Variants in CD4 observed in about 807,000 individuals in gnomAD.
CD4 encodes the protein T-cell surface glycoprotein CD4.
CD4 carries 25 observed loss-of-function variants against 50.5 expected under a neutral mutation model. The observed-to-expected ratio is 0.49, with a 90% CI of 0.36 to 0.69. The LOEUF (loss-of-function observed/expected upper bound fraction) is 0.69, where lower values mean the gene tolerates loss of function less well. Ranked by LOEUF, CD4 falls within the 30% of genes least tolerant of loss-of-function variation. The probability of loss-of-function intolerance (pLI) is 0.00; values close to 1 mark genes in which losing one functional copy is unlikely to be tolerated. For synonymous variants in CD4, 207 were observed against 221.9 expected (o/e 0.93, Z 0.60); for missense variants, 456 against 548.5 (o/e 0.83, Z 1.68).
intron 3 of CD4, among the ~76,000 whole-genome samples, chr12:6,804,310 A>T (rs1172059147): frequency 1.3e-5 from 2 of 150,918 alleles, no homozygotes; most frequent in Non-Finnish European, 2.9e-5. Context: ...CTTATTCAAC[A>T]TAATACTGCA....
Position 6,800,441 on chromosome 12 carries a change from C to T in CD4, c.184C>T (p.Leu62=), listed in dbSNP as rs35259686. 1,195 of 1,613,878 alleles carry T rather than the reference C, an allele frequency of 7.4e-4. 8 individuals are homozygous for T. Among genetic ancestry groups the T allele is most frequent in the African/African-American group, 6.7e-3 (505 of 75,018 alleles). Reference sequence around the variant, plus strand: ...GAAAAACTCCAACCAGATAAAGATTCTGGGAAATCAGGGCTCCTTCTTAAC... The same window carrying T: ...GAAAAACTCCAACCAGATAAAGATTTTGGGAAATCAGGGCTCCTTCTTAAC... ...HWKNSNQIKI[L]GNQGSFLTKG... is the part of the protein sequence containing the mutation. Residue 62 remains leucine, a synonymous_variant, in exon 3 of 10, where the codon CTG becomes TTG. Coordinates refer to ENST00000011653, the MANE Select transcript of CD4 (RefSeq NM_000616.5).
chr12:6,793,370 G>A (rs1942228606), intron 1 of CD4, among the ~76,000 whole-genome samples: 1 of 152,114 alleles, frequency 6.6e-6, no homozygotes, highest in Admixed American at 6.6e-5. Flanking sequence ...CCCAGAGAAG[G>A]GATATCGTTT....
chr12:6,796,486 G>A (rs1201759998), intron 1 of CD4, among the ~76,000 whole-genome samples: 1 of 152,100 alleles, frequency 6.6e-6, no homozygotes, highest in Non-Finnish European at 1.5e-5. Context: ...TTATATCCTA[G>A]GCCTGGATTC....
In CD4 at chr12:6,817,411, G is replaced by A. The variant is rs991267326; in HGVS notation, c.1156+81G>A. 6 of 1,189,388 alleles carry A rather than the reference G, an allele frequency of 5.0e-6. No individual in the cohort carries two copies. In the Admixed American group the frequency reaches 8.2e-5, roughly 16 times the overall value. The allele number at this position is 1,189,388 out of a possible 1,614,324, so 73.7% of individuals were successfully genotyped here. On this transcript the variant is annotated intron_variant, in intron 7 of 9. Transcript: ENST00000011653. ...TTGGCAGAGACCACCCAGAGTCCCG[G>A]CCTCCCAATGCCTGAGTTGGGGGGT... is the stretch of plus-strand genomic sequence containing the variant.
chr12:6,808,853 G>A (rs1942850734), intron 3 of CD4, among the ~76,000 whole-genome samples: 1 of 152,166 alleles, frequency 6.6e-6, no homozygotes, highest in African/African-American at 2.4e-5. Flanking sequence ...AACTTTTTGA[G>A]CACATCTTGT....
intron 3 of CD4, among the ~76,000 whole-genome samples, chr12:6,811,729 C>T (rs1555117029): frequency 6.7e-6 from 1 of 149,492 alleles, no homozygotes; most frequent in African/African-American, 2.5e-5. Context: ...CCAGGCTGGT[C>T]TTGAACTCCT....
chr12:6,815,884 G>T, intron 5 of CD4, 172 bp from the exon 6 acceptor site: 1 of 1,522,764 alleles, frequency 6.6e-7, no homozygotes, highest in Non-Finnish European at 8.8e-7. Context: ...GGTGGAAGAA[G>T]GGAGAGAAGG....
Position 6,819,580 on chromosome 12 carries a change from T to G in CD4, c.*251T>G, listed in dbSNP as rs1943216181. ...TCCTTCAAGCCTAGCCCTTCTCTCA[T>G]TATTTCTCTCTGACCCTCTCCCCAC... On this transcript the variant is annotated 3_prime_UTR_variant, in exon 10 of 10. Transcript: ENST00000011653. The G allele has an allele frequency of 1.8e-6, 1 of 562,146 alleles. No homozygotes were observed. The highest frequency in any genetic ancestry group is 3.2e-6 in the Non-Finnish European group (1 of 313,928). The allele number at this position is 562,146 out of a possible 1,614,324, so 34.8% of individuals were successfully genotyped here.
In CD4 at chr12:6,815,983, C is replaced by T. The variant is rs10744715; in HGVS notation, c.608-73C>T. 0.34 allele frequency: 545,306 copies of T among 1,592,804 alleles called. 97,018 individuals are homozygous for T. The highest frequency in any genetic ancestry group is 0.42 in the Admixed American group (23,803 of 57,308). ...TCCCCTTCCATCTCCCTGCTGCCTC[C>T]ACATGCCAACCCCACTCGTGCACCC... On this transcript the variant is annotated intron_variant, in intron 5 of 9. Coordinates refer to ENST00000011653, the MANE Select transcript of CD4 (RefSeq NM_000616.5).
chr12:6,807,615 C>T (rs28920474), intron 3 of CD4, among the ~76,000 whole-genome samples: 2,917 of 152,092 alleles, frequency 0.019, 90 homozygotes, highest in African/African-American at 0.066. Flanking sequence ...AACCTTATGG[C>T]GCCGGAAATG....
Position 6,814,133 on chromosome 12 carries a change from T to C in CD4, c.215-9T>C. ...CCTCAGTCCCCCCCCATATGTCTTC[T>C]GCTCCCAGGTCCATCCAAGCTGAAT... On this transcript the variant is annotated splice_polypyrimidine_tract_variant and intron_variant, in intron 3 of 9. Coordinates refer to ENST00000011653, the MANE Select transcript of CD4 (RefSeq NM_000616.5). The C allele has an allele frequency of 1.2e-6, 2 of 1,613,036 alleles. No individual in the cohort carries two copies. The highest frequency in any genetic ancestry group is 1.7e-6 in the Non-Finnish European group (2 of 1,179,438).
Position 6,817,271 on chromosome 12 carries a change from G to T in CD4, c.1097G>T (p.Gly366Val). ...GTGTGGGTGCTGAACCCTGAGGCGG[G>T]GATGTGGCAGTGTCTGCTGAGTGAC... ...KAVWVLNPEAGMWQCLLSDSG... is the reference protein window; with the variant it reads ...KAVWVLNPEAVMWQCLLSDSG... The change falls in exon 7 of 10, where the codon GGG becomes GTG. Residue 366 changes from glycine (G) to valine (V), a missense_variant. Transcript: ENST00000011653. 1 of 1,591,382 alleles carries T rather than the reference G, an allele frequency of 6.3e-7. No individual in the cohort carries two copies.
chr12:6,803,200 G>C (rs180728700), intron 3 of CD4, among the ~76,000 whole-genome samples: 1 of 152,088 alleles, frequency 6.6e-6, no homozygotes, highest in South Asian at 2.1e-4. Context: ...GCCTAGGCTG[G>C]AGTGCAGTGG....
At chr12:6,808,226 G>A (rs184045886) in intron 3 of CD4, among the ~76,000 whole-genome samples, 31 of 137,238 alleles carry the variant, frequency 2.3e-4, no homozygotes, top group African/African-American at 7.4e-4. Flanking sequence ...AGGCCAAGGC[G>A]GGTGGATCAC....
chr12:6,809,511 T>C (rs782153787), intron 3 of CD4, among the ~76,000 whole-genome samples: 4 of 151,592 alleles, frequency 2.6e-5, no homozygotes, highest in Non-Finnish European at 5.9e-5. Flanking sequence ...AAAAAAAATG[T>C]TCTAGTTTCT....
At chr12:6,797,390 C>A (rs918284397) in intron 1 of CD4, among the ~76,000 whole-genome samples, 5 of 152,116 alleles carry the variant, frequency 3.3e-5, no homozygotes, top group African/African-American at 1.2e-4. Flanking sequence ...TGCTCTTTCT[C>A]CCCTGACCTC....
intron 3 of CD4, among the ~76,000 whole-genome samples, chr12:6,811,533 C>T (rs2137903204): frequency 6.9e-6 from 1 of 144,826 alleles, no homozygotes; most frequent in Admixed American, 7.0e-5. Flanking sequence ...CACTCTGTCA[C>T]CCAGGCTGGA....
chr12:6,810,990 T>C (rs1942919807), intron 3 of CD4, among the ~76,000 whole-genome samples: 1 of 152,056 alleles, frequency 6.6e-6, no homozygotes, highest in African/African-American at 2.4e-5. Flanking sequence ...TGAGGTTGTC[T>C]GGAAGGGGCT....
At chr12:6,804,111 A>AAAATAAAT (rs141689932) in intron 3 of CD4, among the ~76,000 whole-genome samples, 2,081 of 144,646 alleles carry the variant, frequency 0.014, 44 homozygotes, top group African/African-American at 0.049. Context: ...ACTCTGTCTC[A>AAAATAAAT]AAATAAATAA....
Sources: allele counts gnomAD v4.1 joint callset (sites outside exome capture counted in the v4.1 genomes callset), GRCh38; gene constraint gnomAD v4.1.1; transcripts MANE v1.5; gene names NCBI Gene and HGNC (gene_info 2026-07-23, HGNC 2026-07-21).